The following PBRM1 variants were observed in gnomAD, a reference collection of about 807,000 sequenced individuals.
The protein encoded by PBRM1 is polybromo 1.
A neutral mutation model predicts 194.5 loss-of-function variants in PBRM1; 27 were observed. The ratio of observed to expected loss-of-function variants is 0.14; its 90% confidence interval spans 0.10 to 0.19. The LOEUF is 0.19. PBRM1 is among the 10% of genes least tolerant of loss of function. The probability of loss-of-function intolerance (pLI) is 1.00; values close to 1 mark genes in which losing one functional copy is unlikely to be tolerated. For synonymous variants in PBRM1, 655 were observed against 693.2 expected, an observed-to-expected ratio of 0.94 and a Z score of 0.87; for missense variants, 1,466 against 2,077.2, an observed-to-expected ratio of 0.71 and a Z score of 5.72.
At chr3:52,586,553 G>A (rs2153771259) in exon 20 of PBRM1, 1 of 1,613,906 alleles carries the variant, frequency 6.2e-7, no homozygotes, top group Non-Finnish European at 8.5e-7. Flanking sequence ...ACATCCCGAG[G>A]GACAAACCTG....
At chr3:52,628,308 C>A (rs1300891910) in intron 12 of PBRM1, among the ~76,000 whole-genome samples, 1 of 150,006 alleles carries the variant, frequency 6.7e-6, no homozygotes, top group Non-Finnish European at 1.5e-5. Context: ...TTCCTCCAAT[C>A]AGAAGGCTAA....
intron 10 of PBRM1, among the ~76,000 whole-genome samples, chr3:52,640,734 T>G (rs2153697355): frequency 6.6e-6 from 1 of 151,508 alleles, no homozygotes; most frequent in South Asian, 2.1e-4. Flanking sequence ...CTCCACTTCC[T>G]CGGTTCAAGT....
intron 17 of PBRM1, among the ~76,000 whole-genome samples, chr3:52,600,736 T>C (rs1265137265): frequency 6.6e-6 from 1 of 152,176 alleles, no homozygotes; most frequent in Non-Finnish European, 1.5e-5. Flanking sequence ...CCTCCTGGGT[T>C]AAAGGTATTC....
At position 52,668,478 on chromosome 3, in the gene PBRM1, C is replaced by CA; in HGVS notation, c.384+19dup. 1 of 1,552,996 alleles carries CA rather than the reference C, an allele frequency of 6.4e-7. No homozygotes were observed. The highest frequency in any genetic ancestry group is 8.7e-7 in the Non-Finnish European group (1 of 1,149,616). On this transcript the variant is annotated intron_variant, in intron 3 of 29. Transcript: ENST00000296302. ...TGGTATCTTCCAATTGGTATCTTTC[C>CA]AAATTTCATAATTTCTTACCTTATA...
chr3:52,631,195 G>A (rs2095605523), intron 11 of PBRM1, among the ~76,000 whole-genome samples: 1 of 152,068 alleles, frequency 6.6e-6, no homozygotes, highest in African/African-American at 2.4e-5. Flanking sequence ...TCAACGTCAG[G>A]CGTGGTGACT....
At position 52,609,622 on chromosome 3, in the gene PBRM1, T is replaced by C; in HGVS notation, c.2258A>G (p.His753Arg). ...TCTGCGTGTTTCAAGCAGGACTTTGTGTAGAACAAGAGCATCTTTGTAGAT... is the reference window on the plus strand; with the variant it reads ...TCTGCGTGTTTCAAGCAGGACTTTGCGTAGAACAAGAGCATCTTTGTAGAT... Residue 753 changes from histidine (H) to arginine (R), a missense_variant, in exon 16 of 30, where the codon CAC (histidine) becomes CGC (arginine). His to Arg is a conservative substitution (Grantham distance 29). Transcript: ENST00000296302. This position sits in a 1 kb window ranked among gnomAD's most constrained non-coding sequence, Gnocchi z 4.1. 6.2e-7 allele frequency: 1 copy of C among 1,613,518 alleles called. No individual in the cohort carries two copies. Among genetic ancestry groups the C allele is most frequent in the African/African-American group, 1.3e-5 (1 of 75,024 alleles).
At chr3:52,641,846 T>G (rs2096099839) in intron 10 of PBRM1, 108 bp downstream of exon 11, 1 of 775,376 alleles carries the variant, frequency 1.3e-6, no homozygotes, top group Non-Finnish European at 2.4e-6. Flanking sequence ...TAAAATAGCA[T>G]GTACTTCCCA....
chr3:52,564,348 G>T, intron 22 of PBRM1, 115 bp from the exon 25 acceptor site: 1 of 773,314 alleles, frequency 1.3e-6, no homozygotes, highest in Non-Finnish European at 2.1e-6. Flanking sequence ...CAATTTTAAA[G>T]ATATGAAAGG....
intron 25 of PBRM1, among the ~76,000 whole-genome samples, chr3:52,559,586 C>T (rs1009314070): frequency 2.0e-5 from 3 of 152,160 alleles, no homozygotes; most frequent in Admixed American, 6.5e-5. Flanking sequence ...CACATAAACC[C>T]TTTAACATGG....
At chr3:52,583,072 T>C (rs369926214) in intron 20 of PBRM1, among the ~76,000 whole-genome samples, 2 of 109,800 alleles carry the variant, frequency 1.8e-5, no homozygotes, top group Non-Finnish European at 3.4e-5. Flanking sequence ...ACTCCAGCCT[T>C]GGGGACAGAG....
At position 52,609,733 on chromosome 3, in the gene PBRM1, T is replaced by A. The variant is rs569156539; in HGVS notation, c.2147A>T (p.Asn716Ile). 1 of 1,610,078 alleles carries A rather than the reference T, an allele frequency of 6.2e-7. No individual in the cohort carries two copies. Among genetic ancestry groups the A allele is most frequent in the Non-Finnish European group, 8.5e-7 (1 of 1,178,512 alleles). ...CATAGAGTCAATATCTTGGTACTTG[T>A]TGGCCATCATGTGACTTCGAATTTT... Residue 716 changes from asparagine (N) to isoleucine (I), a missense_variant, in exon 16 of 30, where the codon AAC becomes ATC. Coordinates refer to ENST00000296302, the Ensembl canonical transcript of PBRM1. The surrounding 1 kb of genome is among the most constrained non-coding windows in gnomAD (Gnocchi z 4.1).
chr3:52,602,546 T>C (rs2094078559), intron 17 of PBRM1, among the ~76,000 whole-genome samples: 1 of 152,226 alleles, frequency 6.6e-6, no homozygotes, highest in Non-Finnish European at 1.5e-5. Context: ...AGTCCTTTTA[T>C]AGATGTCTAA....
chr3:52,632,383 A>C (rs1169104478), intron 11 of PBRM1, among the ~76,000 whole-genome samples: 1 of 152,122 alleles, frequency 6.6e-6, no homozygotes, highest in African/African-American at 2.4e-5. Flanking sequence ...CAGAAATTCA[A>C]GACCTGGGCA....
At chr3:52,597,278 T>C (rs1047170820) in intron 17 of PBRM1, among the ~76,000 whole-genome samples, 1 of 152,224 alleles carries the variant, frequency 6.6e-6, no homozygotes, top group African/African-American at 2.4e-5. Context: ...TTGGTTCTTA[T>C]GAAGGTGCAC....
In PBRM1 at chr3:52,563,350, G is replaced by A. The variant is rs578206243; in HGVS notation, c.4019C>T (p.Pro1340Leu). 12 of 1,614,006 alleles carry A rather than the reference G, an allele frequency of 7.4e-6. No individual in the cohort carries two copies. In the African/African-American group the frequency reaches 1.3e-4, roughly 18 times the overall value. ...GGGGGTCTGAAGCTGAGGTAGAGAAGGAGGTTCAATGACCTCACTATCTTC... is the reference window on the plus strand; with the variant it reads ...GGGGGTCTGAAGCTGAGGTAGAGAAAGAGGTTCAATGACCTCACTATCTTC... Residue 1340 changes from proline to leucine, a missense_variant, in exon 24 of 30, where the codon CCT becomes CTT. This residue lies in a region of PBRM1 where 687 missense variants were observed against 946.2 expected (regional missense o/e 0.73). Transcript: ENST00000296302.
At chr3:52,633,538 T>C (rs780603799) in intron 11 of PBRM1, among the ~76,000 whole-genome samples, 2 of 152,188 alleles carry the variant, frequency 1.3e-5, no homozygotes, top group Non-Finnish European at 2.9e-5. Flanking sequence ...CAAAATGGAA[T>C]TTCTTAATCA....
At chr3:52,683,182 G>A (rs762491877), upstream of PBRM1, among the ~76,000 whole-genome samples, 18 of 150,684 alleles carry the variant, frequency 1.2e-4, no homozygotes, top group African/African-American at 3.4e-4. Flanking sequence ...CACCCTGGAC[G>A]TCAGAGCAAG....
chr3:52,553,400 C>T (rs1032894006), intron 27 of PBRM1, among the ~76,000 whole-genome samples: 22 of 151,442 alleles, frequency 1.5e-4, no homozygotes, highest in African/African-American at 5.3e-4. Flanking sequence ...TTATATATTT[C>T]TATATAAAAG....
At chr3:52,654,695 T>A (rs2096573885) in intron 5 of PBRM1, among the ~76,000 whole-genome samples, 1 of 152,212 alleles carries the variant, frequency 6.6e-6, no homozygotes, top group Non-Finnish European at 1.5e-5. Flanking sequence ...TGACCATCAC[T>A]GATTATCTCC....
Sources: allele counts gnomAD v4.1 joint callset (sites outside exome capture counted in the v4.1 genomes callset), GRCh38; gene constraint gnomAD v4.1.1; regional missense constraint gnomAD v4.1.1; non-coding constraint Gnocchi (gnomAD v3.1); transcripts MANE v1.5; gene names NCBI Gene and HGNC (gene_info 2026-07-23, HGNC 2026-07-21).